PDE4B: variants seen among roughly 807,000 people sequenced by gnomAD.
The protein encoded by PDE4B is 3',5'-cyclic-AMP phosphodiesterase 4B.
Under a neutral mutation model 82.2 loss-of-function variants are expected in PDE4B, and 20 were observed. The observed-to-expected ratio is 0.24, with a 90% CI of 0.17 to 0.35. The LOEUF is 0.35. PDE4B is among the 10% of genes least tolerant of loss of function. The pLI, the probability that PDE4B is intolerant of heterozygous loss-of-function variation, is 1.00. For synonymous variants in PDE4B, 320 were observed against 318.9 expected (o/e 1.00, Z -0.04); for missense variants, 655 against 907.2 (o/e 0.72, Z 3.57).
chr1:66,079,166 T>TTCTCTCTCTCTCTCTC (rs148765561), intron 3 of PDE4B, among the ~76,000 whole-genome samples: 211 of 142,260 alleles, frequency 1.5e-3, no homozygotes, highest in African/African-American at 5.3e-3. Context: ...CCTGCTTCTT[T>TTCTCTCTCTCTCTCTC]TCTCTCTCTC....
At chr1:66,230,342 T>A (rs1302031091) in intron 3 of PDE4B, among the ~76,000 whole-genome samples, 1 of 152,112 alleles carries the variant, frequency 6.6e-6, no homozygotes, top group African/African-American at 2.4e-5. Context: ...GAAGGTAGAG[T>A]TCAAATCATA....
intron 1 of PDE4B, among the ~76,000 whole-genome samples, chr1:65,905,676 GT>G (rs1647021084): frequency 6.6e-6 from 1 of 152,116 alleles, no homozygotes; most frequent in Non-Finnish European, 1.5e-5. Context: ...TTGTTTCTTA[GT>G]TACAATACCT....
At chr1:65,980,435 A>G (rs977349210) in intron 3 of PDE4B, among the ~76,000 whole-genome samples, 1 of 152,154 alleles carries the variant, frequency 6.6e-6, no homozygotes, top group Admixed American at 6.6e-5. Flanking sequence ...CTGCCTTAAG[A>G]AGCACATTTT....
chr1:65,797,433 A>T (rs915542841), intron 1 of PDE4B, among the ~76,000 whole-genome samples: 4 of 152,312 alleles, frequency 2.6e-5, no homozygotes, highest in Admixed American at 2.6e-4. Flanking sequence ...TTAACAGATA[A>T]TCACTCTGTT....
intron 1 of PDE4B, among the ~76,000 whole-genome samples, chr1:65,863,701 A>T (rs565127712): frequency 7.4e-4 from 112 of 152,306 alleles, no homozygotes; most frequent in African/African-American, 2.6e-3. Context: ...TATTCAGTGC[A>T]TGCATATTTA....
intron 3 of PDE4B, among the ~76,000 whole-genome samples, chr1:66,159,894 T>A (rs911504215): frequency 4.6e-5 from 7 of 152,178 alleles, no homozygotes; most frequent in African/African-American, 1.7e-4. Flanking sequence ...TATTTGATCT[T>A]TAAGTTCCTG....
intron 1 of PDE4B, among the ~76,000 whole-genome samples, chr1:65,858,193 C>A (rs958453105): frequency 2.0e-5 from 3 of 152,114 alleles, no homozygotes; most frequent in African/African-American, 7.2e-5. Flanking sequence ...TCATTGTAGT[C>A]CCTAGGAACC....
rs531758127 is a variant in PDE4B at position 65,793,065 on chromosome 1, GC to G, written c.-253del. 3.3e-5 allele frequency: 5 copies of G among 152,028 alleles called. No homozygotes were observed. The South Asian group carries it at 1.0e-3, about 31-fold the overall frequency. The allele number at this position is 152,028 out of a possible 1,614,324, so 9.4% of individuals were successfully genotyped here. On this transcript the variant is annotated 5_prime_UTR_variant, in exon 1 of 17. Coordinates refer to ENST00000341517, the MANE Select transcript of PDE4B (RefSeq NM_002600.4). ...CTGCAGGCTCTTCGTCGCGGGCCGG[GC>G]TGCACGCGAGCGCCCTCCGGGCAGA... is the stretch of plus-strand genomic sequence containing the variant.
At chr1:66,053,114 A>G (rs1655126140) in intron 3 of PDE4B, among the ~76,000 whole-genome samples, 2 of 152,222 alleles carry the variant, frequency 1.3e-5, no homozygotes, top group Non-Finnish European at 2.9e-5. Context: ...TCTCATATCT[A>G]AGCAGGTATT....
At chr1:65,893,726 A>T (rs1646878054) in intron 1 of PDE4B, among the ~76,000 whole-genome samples, 1 of 142,688 alleles carries the variant, frequency 7.0e-6, no homozygotes, top group Non-Finnish European at 1.6e-5. Flanking sequence ...AGTTGCAAAG[A>T]TATGGAATCA....
In PDE4B at chr1:65,918,704, A is replaced by G; in HGVS notation, c.150A>G (p.Leu50=). ...WRGRRCCSGN[L]QLPPLSQRQS... Reference sequence around the variant, plus strand: ...GGAGAAGGTGTTGCTCAGGAAACTTACAGTTACCACCACTGTCTCAAAGAC... The same window carrying G: ...GGAGAAGGTGTTGCTCAGGAAACTTGCAGTTACCACCACTGTCTCAAAGAC... The change falls in exon 3 of 17, where the codon TTA becomes TTG. Residue 50 remains leucine, a synonymous_variant. Transcript: ENST00000341517. 3 of 1,612,682 alleles carry G rather than the reference A, an allele frequency of 1.9e-6. No homozygotes were observed. Among genetic ancestry groups the G allele is most frequent in the Non-Finnish European group, 2.5e-6 (3 of 1,178,636 alleles).
intron 1 of PDE4B, among the ~76,000 whole-genome samples, chr1:65,883,266 T>C (rs1252426610): frequency 6.6e-6 from 1 of 152,214 alleles, no homozygotes; most frequent in African/African-American, 2.4e-5. Flanking sequence ...ATTTTCACAA[T>C]ATTGATTCTT....
intron 1 of PDE4B, among the ~76,000 whole-genome samples, chr1:65,860,599 C>G (rs1471672685): frequency 6.6e-6 from 1 of 152,178 alleles, no homozygotes; most frequent in African/African-American, 2.4e-5. Context: ...ATTTCTAGTT[C>G]TAGATCCTTG....
At chr1:65,989,478 G>A (rs1180536158) in intron 3 of PDE4B, among the ~76,000 whole-genome samples, 3 of 152,228 alleles carry the variant, frequency 2.0e-5, no homozygotes, top group South Asian at 2.1e-4. Context: ...GTGACACAGC[G>A]AGACACTGTC....
At chr1:66,341,989 G>A (rs1661020712) in intron 8 of PDE4B, among the ~76,000 whole-genome samples, 1 of 152,112 alleles carries the variant, frequency 6.6e-6, no homozygotes, top group Non-Finnish European at 1.5e-5. Context: ...AATCAAATAA[G>A]TCTAATTCAC....
intron 1 of PDE4B, among the ~76,000 whole-genome samples, chr1:65,851,904 G>T (rs1646337026): frequency 6.6e-6 from 1 of 151,868 alleles, no homozygotes; most frequent in South Asian, 2.1e-4. Flanking sequence ...TTTGATAGAT[G>T]CTTCTTCTAT....
chr1:65,868,488 T>A (rs979506097), intron 1 of PDE4B, among the ~76,000 whole-genome samples: 1 of 152,250 alleles, frequency 6.6e-6, no homozygotes, highest in African/African-American at 2.4e-5. Flanking sequence ...TTATTTCCAC[T>A]GTTCCTCCTT....
At chr1:66,158,177 T>G (rs1217566601) in intron 3 of PDE4B, among the ~76,000 whole-genome samples, 1 of 152,064 alleles carries the variant, frequency 6.6e-6, no homozygotes, top group African/African-American at 2.4e-5. Flanking sequence ...TTTGACCCAG[T>G]GAAACTTAAA....
At chr1:66,372,181 CA>C in intron 16 of PDE4B, 131 bp from the exon 17 acceptor site, 1 of 933,006 alleles carries the variant, frequency 1.1e-6, no homozygotes, top group East Asian at 2.4e-5. Context: ...TGTGAGTGCC[CA>C]AATCATGGAA....
Sources: gnomAD v4.1 joint callset for allele counts (sites outside exome capture counted in the v4.1 genomes callset) on GRCh38, gnomAD v4.1.1 for gene constraint, MANE v1.5 for transcripts, NCBI Gene and HGNC (gene_info 2026-07-23, HGNC 2026-07-21) for gene names.